The following CREB5 variants were observed in gnomAD, a reference collection of about 807,000 sequenced individuals.
CREB5 encodes cAMP responsive element binding protein 5, also known as cyclic AMP-responsive element-binding protein 5.
Under a neutral mutation model 57.1 loss-of-function variants are expected in CREB5, and 19 were observed. The observed-to-expected ratio is 0.33, with a 90% CI of 0.23 to 0.49. The LOEUF is 0.49. Among genes scored for constraint, CREB5 ranks in the 20% least tolerant of loss-of-function variants. The probability of loss-of-function intolerance (pLI) is 0.99; values close to 1 mark genes in which losing one functional copy is unlikely to be tolerated. For missense variants in CREB5, 579 were observed against 671.6 expected, an observed-to-expected ratio of 0.86 and a Z score of 1.52; for synonymous variants, 238 against 238.3, an observed-to-expected ratio of 1.00 and a Z score of 0.01.
intron 1 of CREB5, among the ~76,000 whole-genome samples, chr7:28,406,725 G>A (rs1787588597): frequency 6.6e-6 from 1 of 152,214 alleles, no homozygotes; most frequent in South Asian, 2.1e-4. Flanking sequence ...CAGCCTCCAT[G>A]AAACTCTGGC....
intron 1 of CREB5, among the ~76,000 whole-genome samples, chr7:28,329,450 A>G (rs1225850369): frequency 1.3e-5 from 2 of 152,236 alleles, no homozygotes; most frequent in Non-Finnish European, 2.9e-5. Flanking sequence ...GAAGCCTCTC[A>G]GGCTGGCTCA....
At chr7:28,637,596 A>C (rs1438559214) in intron 5 of CREB5, among the ~76,000 whole-genome samples, 1 of 152,210 alleles carries the variant, frequency 6.6e-6, no homozygotes, top group Admixed American at 6.5e-5. Context: ...GTGACGTTTC[A>C]GATGAGACCC....
At chr7:28,654,750 A>G (rs757636703) in intron 5 of CREB5, among the ~76,000 whole-genome samples, 2 of 152,198 alleles carry the variant, frequency 1.3e-5, no homozygotes, top group African/African-American at 2.4e-5. Flanking sequence ...ATTGATACCA[A>G]TGAGGCACCC....
intron 1 of CREB5, among the ~76,000 whole-genome samples, chr7:28,468,070 T>C (rs1315033269): frequency 1.3e-5 from 2 of 152,144 alleles, no homozygotes; most frequent in Non-Finnish European, 2.9e-5. Flanking sequence ...GTGCCCAGCC[T>C]CCTGAACGGA....
intron 1 of CREB5, among the ~76,000 whole-genome samples, chr7:28,464,473 G>C (rs537608911): frequency 7.4e-5 from 11 of 149,110 alleles, no homozygotes; most frequent in African/African-American, 2.7e-4. Flanking sequence ...ATCTGGGCCT[G>C]ATCTCTCCTT....
chr7:28,326,153 TTATCTATCTATCTATC>T (rs58259868), intron 1 of CREB5, among the ~76,000 whole-genome samples: 5,309 of 146,184 alleles, frequency 0.036, 145 homozygotes, highest in East Asian at 0.13. Context: ...CACACACACA[TTATCTATCTATCTATC>T]TATCTATCTA....
chr7:28,650,436 A>G (rs1799081037), intron 5 of CREB5, among the ~76,000 whole-genome samples: 1 of 152,102 alleles, frequency 6.6e-6, no homozygotes, highest in Non-Finnish European at 1.5e-5. Flanking sequence ...TTGTGTGGCC[A>G]TTTCCATTTA....
At chr7:28,475,660 C>A (rs891117710) in intron 1 of CREB5, among the ~76,000 whole-genome samples, 5 of 151,700 alleles carry the variant, frequency 3.3e-5, no homozygotes, top group African/African-American at 4.8e-5. Flanking sequence ...TCCAGGTAAA[C>A]CTAAAGCACC....
chr7:28,543,645 G>C (rs1794302591), intron 4 of CREB5, among the ~76,000 whole-genome samples: 1 of 148,932 alleles, frequency 6.7e-6, no homozygotes. Flanking sequence ...GGGCTTGAAT[G>C]AGCCAGATCT....
At chr7:28,448,336 C>A (rs1438961618) in intron 1 of CREB5, among the ~76,000 whole-genome samples, 4 of 152,186 alleles carry the variant, frequency 2.6e-5, no homozygotes, top group African/African-American at 9.7e-5. Context: ...CCTATTAGTT[C>A]TGTCCCTCTA....
intron 1 of CREB5, among the ~76,000 whole-genome samples, chr7:28,487,413 C>T (rs957731216): frequency 1.3e-5 from 2 of 152,104 alleles, no homozygotes; most frequent in African/African-American, 4.8e-5. Flanking sequence ...TACCTTATTC[C>T]AGATGATGTA....
intron 4 of CREB5, among the ~76,000 whole-genome samples, chr7:28,524,075 C>T (rs780384195): frequency 1.1e-4 from 17 of 152,330 alleles, no homozygotes; most frequent in Non-Finnish European, 1.8e-4. Context: ...AATGTCCTCA[C>T]TGAACAAGAT....
intron 1 of CREB5, among the ~76,000 whole-genome samples, chr7:28,358,362 G>A (rs1786388019): frequency 6.6e-6 from 1 of 152,212 alleles, no homozygotes; most frequent in Non-Finnish European, 1.5e-5. Context: ...TTCCCCAGCT[G>A]AGGCAGCTGC....
At chr7:28,763,773 A>C (rs184348741) in intron 7 of CREB5, among the ~76,000 whole-genome samples, 1 of 150,684 alleles carries the variant, frequency 6.6e-6, no homozygotes, top group Non-Finnish European at 1.5e-5. Flanking sequence ...ATTTGAAAGC[A>C]TGATGTAATC....
At chr7:28,506,354 T>G (rs1418524726) in intron 3 of CREB5, among the ~76,000 whole-genome samples, 2 of 152,244 alleles carry the variant, frequency 1.3e-5, no homozygotes, top group African/African-American at 4.8e-5. Flanking sequence ...TTGTTTCAAC[T>G]TGAGGGCACC....
At chr7:28,435,635 T>C (rs777103216) in intron 1 of CREB5, 16 of 985,232 alleles carry the variant, frequency 1.6e-5, no homozygotes, top group Non-Finnish European at 1.8e-5. Flanking sequence ...GGAGTCAATT[T>C]ATTTCTGAAA....
intron 5 of CREB5, among the ~76,000 whole-genome samples, chr7:28,670,523 T>G (rs563599539): frequency 6.6e-6 from 1 of 152,362 alleles, no homozygotes; most frequent in African/African-American, 2.4e-5. Flanking sequence ...CTGTAGTCAT[T>G]AATGCAGACT....
intron 5 of CREB5, among the ~76,000 whole-genome samples, chr7:28,635,378 A>G (rs1430597055): frequency 6.6e-6 from 1 of 152,206 alleles, no homozygotes; most frequent in East Asian, 1.9e-4. Context: ...AGATGAATAC[A>G]CAGTTCTAGA....
At chr7:28,333,878 A>G (rs1047039858) in intron 1 of CREB5, among the ~76,000 whole-genome samples, 2 of 152,146 alleles carry the variant, frequency 1.3e-5, no homozygotes, top group Non-Finnish European at 2.9e-5. Context: ...TATCTCTTCA[A>G]TATACTGATT....
Sources: allele counts gnomAD v4.1 joint callset (sites outside exome capture counted in the v4.1 genomes callset), GRCh38; gene constraint gnomAD v4.1.1; transcripts MANE v1.5; gene names NCBI Gene and HGNC (gene_info 2026-07-23, HGNC 2026-07-21).